The following SLC9A5 variants were observed in gnomAD, a reference collection of about 807,000 sequenced individuals.
SLC9A5 encodes the protein solute carrier family 9 member A5.
A neutral mutation model predicts 91.7 loss-of-function variants in SLC9A5; 52 were observed. That is an observed-to-expected ratio of 0.57 (90% CI 0.45 to 0.71). The LOEUF is 0.71. Ranked by LOEUF, SLC9A5 falls within the 30% of genes least tolerant of loss-of-function variation. SLC9A5 has a pLI of 0.00. For synonymous variants in SLC9A5, 419 were observed against 474.5 expected (o/e 0.88, Z 1.52); for missense variants, 871 against 1,158.9 (o/e 0.75, Z 3.61).
chr16:67,269,780 C>A (rs2035857915), intron 15 of SLC9A5, among the ~76,000 whole-genome samples: 1 of 152,130 alleles, frequency 6.6e-6, no homozygotes, highest in African/African-American at 2.4e-5. Context: ...TGGTTGGTGG[C>A]CAGAGGAATT....
Position 67,270,974 on chromosome 16 carries a change from C to A in SLC9A5, c.2455C>A (p.Pro819Thr). The stretch of plus-strand genomic sequence containing the variant: ...AATTCTGACCTGCCTGCCTCCCCAT[C>A]CACGGGGCACTGAAGAGCCCCAGGT... ...APILTCLPPH[P>T]RGTEEPQVPL... Residue 819 changes from proline (P) to threonine (T), a missense_variant, in exon 16 of 16, where the codon CCA (proline) becomes ACA (threonine). Pro to Thr is a conservative substitution (Grantham distance 38). Transcript: ENST00000299798. The surrounding 1 kb of genome is among the most constrained non-coding windows in gnomAD (Gnocchi z 4.3). 1 of 1,614,078 alleles carries A rather than the reference C, an allele frequency of 6.2e-7. No homozygotes were observed. The highest frequency in any genetic ancestry group is 8.5e-7 in the Non-Finnish European group (1 of 1,179,914).
rs745501494 is a variant in SLC9A5, at chr16:67,266,150, GAGA to G, written c.2146_2148del (p.Lys716del). 52 of 1,611,680 alleles carry G rather than the reference GAGA, an allele frequency of 3.2e-5. 1 individual carries two copies. In the Middle Eastern group the frequency reaches 1.2e-3, roughly 36 times the overall value. ...GGAGGAGAGCGACAGTTCAGAGACA[GAGA>G]AGGAGGACGATGAGGGGATCATCTT... On this transcript the variant is annotated inframe_deletion, in exon 15 of 16. Transcript: ENST00000299798.
chr16:67,256,036 G>C lies in SLC9A5; in HGVS notation c.911+106G>C. 8.0e-7 allele frequency: 1 copy of C among 1,252,014 alleles called. No individual in the cohort carries two copies. The highest frequency in any genetic ancestry group is 1.1e-6 in the Non-Finnish European group (1 of 905,412). The allele number at this position is 1,252,014 out of a possible 1,614,324, so 77.6% of individuals were successfully genotyped here. On this transcript the variant is annotated intron_variant, in intron 5 of 15. Coordinates refer to ENST00000299798, the MANE Select transcript of SLC9A5 (RefSeq NM_004594.3). The surrounding 1 kb of genome is among the most constrained non-coding windows in gnomAD (Gnocchi z 4.1). The stretch of plus-strand genomic sequence containing the variant: ...ACTTCAGGAGTCCATAGGTTTCCCT[G>C]AGCCCTTGTGGTAGTGGGAGCCTCA...
intron 13 of SLC9A5, 34 bp from the exon 14 acceptor site, chr16:67,265,006 G>T (rs761020495): frequency 6.2e-7 from 1 of 1,612,390 alleles, no homozygotes; most frequent in East Asian, 2.2e-5. Context: ...GGAAGCCGGG[G>T]CCAGAGGCTC....
intron 14 of SLC9A5, 39 bp downstream of exon 14, chr16:67,265,145 G>A: frequency 1.3e-6 from 2 of 1,594,692 alleles, no homozygotes; most frequent in Non-Finnish European, 1.7e-6. Context: ...ATGGGAGGGA[G>A]GAGGGAAAGG....
At position 67,265,043 on chromosome 16, in the gene SLC9A5, G is replaced by C. The variant is rs759799150; in HGVS notation, c.2017G>C (p.Asp673His). 6.2e-7 allele frequency: 1 copy of C among 1,614,168 alleles called. No individual in the cohort carries two copies. Among genetic ancestry groups the C allele is most frequent in the Non-Finnish European group, 8.5e-7 (1 of 1,180,030 alleles). The change falls in exon 14 of 16, where the codon GAT becomes CAT. Residue 673 changes from aspartate to histidine, a missense_variant. By Grantham distance (81) the Asp-to-His change is moderately conservative (BLOSUM62 -1). Around this residue, in one of 3 missense-constraint regions of SLC9A5, gnomAD observed 295 missense variants for 326.0 expected, o/e 0.90. Coordinates refer to ENST00000299798, the MANE Select transcript of SLC9A5 (RefSeq NM_004594.3). Reference sequence around the variant, plus strand: ...GGTTTTCTTTCTTGGTCCTCAGAAGGATGGTGTGGCGAATGCTGAGGCTAC... The same window carrying C: ...GGTTTTCTTTCTTGGTCCTCAGAAGCATGGTGTGGCGAATGCTGAGGCTAC... ...RPRKTGRRKK[D>H]GVANAEATNG...
At position 67,270,984 on chromosome 16, in the gene SLC9A5, C is replaced by A. The variant is rs764200871; in HGVS notation, c.2465C>A (p.Thr822Asn). 6.2e-7 allele frequency: 1 copy of A among 1,614,102 alleles called. No individual in the cohort carries two copies. The highest frequency in any genetic ancestry group is 1.7e-5 in the Admixed American group (1 of 60,016). The change falls in exon 16 of 16, where the codon ACT becomes AAT. Residue 822 changes from threonine (T) to asparagine (N), a missense_variant. By Grantham distance (65) the Thr-to-Asn change is moderately conservative. This residue lies in a region of SLC9A5 where 295 missense variants were observed against 326.0 expected (regional missense o/e 0.90). Coordinates refer to ENST00000299798, the MANE Select transcript of SLC9A5 (RefSeq NM_004594.3). This position sits in a 1 kb window ranked among gnomAD's most constrained non-coding sequence, Gnocchi z 4.3. ...LTCLPPHPRG[T>N]EEPQVPLHLP... ...TGCCTGCCTCCCCATCCACGGGGCA[C>A]TGAAGAGCCCCAGGTCCCTCTCCAC...
intron 15 of SLC9A5, among the ~76,000 whole-genome samples, chr16:67,266,850 CTTTT>C (rs61525765): frequency 8.4e-6 from 1 of 118,966 alleles, no homozygotes; most frequent in Non-Finnish European, 1.8e-5. Flanking sequence ...CTATTCTTTT[CTTTT>C]TTTTTTTTTT....
rs1289032640 is a variant in SLC9A5, at chr16:67,268,710, A to ATTTT, written c.2219-2026_2219-2023dup. ...TATATATATATATATATATATATAT[A>ATTTT]TTTTTACAGTAGGCTTGTCCAATGT... On this transcript the variant is annotated intron_variant, in intron 15 of 15. Coordinates refer to ENST00000299798, the MANE Select transcript of SLC9A5 (RefSeq NM_004594.3). Among the ~76,000 whole-genome samples the ATTTT allele has an allele frequency of 1.5e-3, 132 of 89,736 alleles. 2 individuals carry two copies. The highest frequency in any genetic ancestry group is 6.0e-3 in the South Asian group (16 of 2,648). The allele number at this position is 89,736 out of a possible 152,430, so 58.9% of individuals were successfully genotyped here. A position where few individuals can be genotyped will look rare whatever the true frequency, so the allele number is the denominator to read the frequency against.
In SLC9A5 at chr16:67,264,499, C is replaced by T; in HGVS notation, c.1990C>T (p.Pro664Ser). The stretch of plus-strand genomic sequence containing the variant: ...CTGCTTCACCAAGAGCAAGCCACGA[C>T]CCCGCAAGACTGGCCGCAGGAAGGC... ...NICFTKSKPR[P>S]RKTGRRKKDG... Residue 664 changes from proline to serine, a missense_variant, in exon 13 of 16, where the codon CCC (proline) becomes TCC (serine). By Grantham distance (74) the Pro-to-Ser change is moderately conservative. Coordinates refer to ENST00000299798, the MANE Select transcript of SLC9A5 (RefSeq NM_004594.3). 6.2e-7 allele frequency: 1 copy of T among 1,614,210 alleles called. No individual in the cohort carries two copies. The highest frequency in any genetic ancestry group is 8.5e-7 in the Non-Finnish European group (1 of 1,180,028).
At chr16:67,269,345 T>C (rs2035844683) in intron 15 of SLC9A5, among the ~76,000 whole-genome samples, 1 of 152,040 alleles carries the variant, frequency 6.6e-6, no homozygotes, top group Admixed American at 6.6e-5. Context: ...GATGGGAGAA[T>C]AGCTTGAACC....
At position 67,270,194 on chromosome 16, in the gene SLC9A5, A is replaced by G. The variant is rs983534747; in HGVS notation, c.2219-544A>G. 6.6e-6 allele frequency among the ~76,000 whole-genome samples: 1 copy of G among 151,606 alleles called. No individual in the cohort carries two copies. Among genetic ancestry groups the G allele is most frequent in the Non-Finnish European group, 1.5e-5 (1 of 67,938 alleles). On this transcript the variant is annotated intron_variant, in intron 15 of 15. Coordinates refer to ENST00000299798, the MANE Select transcript of SLC9A5 (RefSeq NM_004594.3). The surrounding 1 kb of genome is among the most constrained non-coding windows in gnomAD (Gnocchi z 4.3). ...TGCTATCTTCTTATTTTTTATTTTTATTTATTTTTTATATAGAGTCTCACT... is the reference window on the plus strand; with the variant it reads ...TGCTATCTTCTTATTTTTTATTTTTGTTTATTTTTTATATAGAGTCTCACT...
At chr16:67,260,077 G>A (rs938582260) in intron 12 of SLC9A5, 131 bp downstream of exon 12, 20 of 1,265,326 alleles carry the variant, frequency 1.6e-5, no homozygotes, top group Admixed American at 2.7e-5. Flanking sequence ...AGCCGGGTGC[G>A]ATGGCTCATG....
At position 67,259,877 on chromosome 16, in the gene SLC9A5, C is replaced by T. The variant is rs753147404; in HGVS notation, c.1773C>T (p.Ser591=). ...TGCAGGTGATTGACACAGTACGCAG[C>T]GGCCGGGATCGTGAGGATGCTGTGA... is the stretch of plus-strand genomic sequence containing the variant. ...LDLQVIDTVR[S]GRDREDAVMH... is the part of the protein sequence containing the mutation. Residue 591 remains serine, a synonymous_variant, in exon 12 of 16, where the codon AGC becomes AGT. Coordinates refer to ENST00000299798, the MANE Select transcript of SLC9A5 (RefSeq NM_004594.3). 40 of 1,614,076 alleles carry T rather than the reference C, an allele frequency of 2.5e-5. No homozygotes were observed. In the East Asian group the frequency reaches 5.1e-4, roughly 21 times the overall value.
intron 15 of SLC9A5, among the ~76,000 whole-genome samples, chr16:67,266,634 G>A (rs1344583538): frequency 3.9e-5 from 6 of 152,030 alleles, no homozygotes; most frequent in African/African-American, 1.4e-4. Context: ...TCTGGCTCCC[G>A]GGTTCAAGCA....
chr16:67,266,713 A>G (rs2142383662), intron 15 of SLC9A5, among the ~76,000 whole-genome samples: 1 of 151,346 alleles, frequency 6.6e-6, no homozygotes, highest in South Asian at 2.1e-4. Flanking sequence ...GCTAATTTTC[A>G]TATTTTTAGT....
chr16:67,271,447 C>T lies in SLC9A5; in HGVS notation c.*237C>T. ...TGTTTCATTAAGGCCTCTACTCTGG[C>T]TCAGGACCCAGTCCAGGCCTTCTAC... On this transcript the variant is annotated 3_prime_UTR_variant, in exon 16 of 16. Transcript: ENST00000299798. The T allele has an allele frequency of 1.8e-6, 1 of 567,694 alleles. No individual in the cohort carries two copies. Among genetic ancestry groups the T allele is most frequent in the Non-Finnish European group, 3.2e-6 (1 of 316,718 alleles). 35.2% of individuals were successfully genotyped at this position (567,694 alleles called of 1,614,324 possible).
rs746036308 is a variant in SLC9A5, at chr16:67,256,634, G to A, written c.1077G>A (p.Trp359Ter). 4 of 1,613,956 alleles carry A rather than the reference G, an allele frequency of 2.5e-6. No individual in the cohort carries two copies. The highest frequency in any genetic ancestry group is 3.4e-6 in the Non-Finnish European group (4 of 1,180,030). Reference protein sequence around the residue: ...ISAVDSSKWAWDSGLVLGTLI... With the variant: ...ISAVDSSKWA ...CCGTGGACTCTTCTAAGTGGGCCTG[G>A]GATTCTGGGCTGGTGCTGGGCACCC... Residue 359 changes from tryptophan (W) to a stop codon, truncating the protein, a stop_gained, in exon 6 of 16, where the codon TGG (tryptophan) becomes TGA (stop). Coordinates refer to ENST00000299798, the MANE Select transcript of SLC9A5 (RefSeq NM_004594.3). LOFTEE classifies it high-confidence loss of function. The surrounding 1 kb of genome is among the most constrained non-coding windows in gnomAD (Gnocchi z 4.1).
At chr16:67,260,270 G>T (rs955143589) in intron 12 of SLC9A5, among the ~76,000 whole-genome samples, 1 of 148,688 alleles carries the variant, frequency 6.7e-6, no homozygotes, top group Non-Finnish European at 1.5e-5. Flanking sequence ...CAGGAAAATC[G>T]CTTGAACCCG....
Sources: gnomAD v4.1 joint callset for allele counts (sites outside exome capture counted in the v4.1 genomes callset) on GRCh38, gnomAD v4.1.1 for gene constraint, gnomAD v4.1.1 regional missense constraint, Gnocchi (gnomAD v3.1) non-coding constraint, MANE v1.5 for transcripts, NCBI Gene and HGNC (gene_info 2026-07-23, HGNC 2026-07-21) for gene names.